EYS: variants seen among roughly 807,000 people sequenced by gnomAD.
EYS encodes the protein protein eyes shut homolog.
A neutral mutation model predicts 282.1 loss-of-function variants in EYS; 250 were observed. The observed-to-expected ratio is 0.89, with a 90% confidence interval of 0.80 to 0.98. EYS has a LOEUF of 0.98. Ranked by LOEUF, EYS falls within the 50% of genes least tolerant of loss-of-function variation. EYS has a pLI of 0.00. For synonymous variants in EYS, 1,355 were observed against 1,282.9 expected, an observed-to-expected ratio of 1.06 and a Z score of -1.20; for missense variants, 4,016 against 3,709.0, an observed-to-expected ratio of 1.08 and a Z score of -2.15.
At chr6:65,292,373 G>A (rs1582108020) in intron 12 of EYS, among the ~76,000 whole-genome samples, 1 of 151,692 alleles carries the variant, frequency 6.6e-6, no homozygotes, top group African/African-American at 2.4e-5. Context: ...TTAATTAAAT[G>A]TCTATTCAAA....
chr6:63,797,517 C>T (rs1455297722), intron 37 of EYS: 1 of 152,110 alleles, frequency 6.6e-6, no homozygotes, highest in Non-Finnish European at 1.5e-5. Flanking sequence ...TTTGGATTAA[C>T]TCTTAAAGAG....
At chr6:64,857,244 A>G (rs900947550) in intron 19 of EYS, among the ~76,000 whole-genome samples, 1 of 152,152 alleles carries the variant, frequency 6.6e-6, no homozygotes, top group Non-Finnish European at 1.5e-5. Flanking sequence ...CCCTATAGGT[A>G]CTGTTTTCAC....
chr6:64,790,226 A>G (rs768530440), intron 22 of EYS, among the ~76,000 whole-genome samples: 1 of 152,008 alleles, frequency 6.6e-6, no homozygotes, highest in Non-Finnish European at 1.5e-5. Context: ...AGAAGAGAAT[A>G]AGGTCTTTAA....
chr6:64,876,130 T>A (rs557843016), intron 19 of EYS, among the ~76,000 whole-genome samples: 2 of 152,226 alleles, frequency 1.3e-5, no homozygotes, highest in Non-Finnish European at 2.9e-5. Context: ...TTTTACTTTG[T>A]AATATTACAT....
chr6:65,275,996 C>A (rs1180414495), intron 12 of EYS, among the ~76,000 whole-genome samples: 3 of 148,650 alleles, frequency 2.0e-5, no homozygotes, highest in Admixed American at 1.4e-4. Flanking sequence ...ACAAAACAAA[C>A]AAACAAACAA....
At chr6:65,065,449 C>G (rs1773717195) in intron 12 of EYS, among the ~76,000 whole-genome samples, 1 of 149,936 alleles carries the variant, frequency 6.7e-6, no homozygotes, top group Non-Finnish European at 1.5e-5. Context: ...GTGGCGCGAT[C>G]TCTGCTCATT....
intron 11 of EYS, among the ~76,000 whole-genome samples, chr6:65,297,882 G>A (rs1890494): frequency 0.94 from 142,495 of 152,138 alleles, 67,048 homozygotes; most frequent in East Asian, 1. Flanking sequence ...TTGTTTAACC[G>A]TATCTTTGTA....
chr6:63,823,984 C>T (rs1475046266), intron 36 of EYS, among the ~76,000 whole-genome samples: 2 of 152,186 alleles, frequency 1.3e-5, no homozygotes, highest in Non-Finnish European at 2.9e-5. Flanking sequence ...AGAATAGATA[C>T]TCCAATTTCT....
At chr6:64,294,404 T>C (rs1421992029) in intron 30 of EYS, among the ~76,000 whole-genome samples, 4 of 152,246 alleles carry the variant, frequency 2.6e-5, no homozygotes, top group African/African-American at 9.6e-5. Context: ...TTATAATTTG[T>C]GGTGATAGTC....
intron 29 of EYS, among the ~76,000 whole-genome samples, chr6:64,380,498 C>T (rs1050591352): frequency 2.0e-5 from 3 of 152,126 alleles, no homozygotes; most frequent in Non-Finnish European, 2.9e-5. Context: ...ATTTTATACA[C>T]TTTATGTGAA....
At chr6:64,046,046 CATA>C (rs1046689759) in intron 33 of EYS, among the ~76,000 whole-genome samples, 7 of 146,504 alleles carry the variant, frequency 4.8e-5, no homozygotes. Context: ...ATATATGTAA[CATA>C]ATATATGTAT....
chr6:64,847,063 A>C (rs1765738209), intron 19 of EYS, among the ~76,000 whole-genome samples: 1 of 152,130 alleles, frequency 6.6e-6, no homozygotes, highest in Non-Finnish European at 1.5e-5. Flanking sequence ...CAGAACAAAA[A>C]GGCAAAGTGA....
At chr6:64,481,274 G>GTATATA (rs61390164) in intron 26 of EYS, among the ~76,000 whole-genome samples, 52 of 140,616 alleles carry the variant, frequency 3.7e-4, no homozygotes, top group East Asian at 1.0e-3. Flanking sequence ...GTGTGTGTGT[G>GTATATA]TATATATATA....
At chr6:63,934,462 C>A (rs775677786) in intron 35 of EYS, among the ~76,000 whole-genome samples, 1 of 151,876 alleles carries the variant, frequency 6.6e-6, no homozygotes, top group Non-Finnish European at 1.5e-5. Context: ...ATGTTTATTG[C>A]GGCACTATTC....
At chr6:65,703,914 T>A (rs1769773651) in intron 1 of EYS, among the ~76,000 whole-genome samples, 1 of 152,182 alleles carries the variant, frequency 6.6e-6, no homozygotes, top group Non-Finnish European at 1.5e-5. Flanking sequence ...TGTCCAAGAC[T>A]GTCAGATCTG....
intron 30 of EYS, among the ~76,000 whole-genome samples, chr6:64,244,892 T>C (rs1766959443): frequency 6.6e-6 from 1 of 152,208 alleles, no homozygotes; most frequent in Non-Finnish European, 1.5e-5. Flanking sequence ...GTTTATTACA[T>C]ATGTATACAT....
chr6:64,497,491 C>T (rs1210573920), intron 26 of EYS, among the ~76,000 whole-genome samples: 1 of 151,976 alleles, frequency 6.6e-6, no homozygotes, highest in African/African-American at 2.4e-5. Flanking sequence ...ATTGCAAGAA[C>T]AAGAAACCCA....
chr6:65,495,317 A>G lies in EYS; in HGVS notation c.94T>C (p.Trp32Arg), dbSNP rs770999642. ...ACATATGATGAGGGTTGTGGATGCC[A>G]TTCTTCCACCAATTGCCGTCTACAT... Reference protein sequence around the residue: ...KTCRRQLVEEWHPQPSSYVVN... With the variant: ...KTCRRQLVEERHPQPSSYVVN... Residue 32 changes from tryptophan (W) to arginine (R), a missense_variant, in exon 4 of 43, where the codon TGG becomes CGG. Physicochemically the swap from Trp to Arg is moderately radical, Grantham distance 101. Coordinates refer to ENST00000503581, the MANE Select transcript of EYS (RefSeq NM_001142800.2). 5 of 1,614,060 alleles carry G rather than the reference A, an allele frequency of 3.1e-6. No individual in the cohort carries two copies. In the South Asian group the frequency reaches 5.5e-5, roughly 18 times the overall value.
intron 11 of EYS, among the ~76,000 whole-genome samples, chr6:65,316,021 A>G (rs1216154383): frequency 6.6e-6 from 1 of 152,210 alleles, no homozygotes; most frequent in Admixed American, 6.5e-5. Context: ...ATAAGATTGA[A>G]AATATGCAGA....
Sources: gnomAD v4.1 joint callset for allele counts (sites outside exome capture counted in the v4.1 genomes callset) on GRCh38, gnomAD v4.1.1 for gene constraint, MANE v1.5 for transcripts, NCBI Gene and HGNC (gene_info 2026-07-23, HGNC 2026-07-21) for gene names.